The following TMEM182 variants were observed in gnomAD, a reference collection of about 807,000 sequenced individuals.
The protein encoded by TMEM182 is transmembrane protein 182.
TMEM182 carries 20 observed loss-of-function variants against 26.8 expected under a neutral mutation model. The observed-to-expected ratio is 0.75, with a 90% CI of 0.53 to 1.09. The LOEUF is 1.09. Ranked by LOEUF, TMEM182 falls within the 50% of genes least tolerant of loss-of-function variation. The pLI, the probability that TMEM182 is intolerant of heterozygous loss-of-function variation, is 0.00. For synonymous variants in TMEM182, 109 were observed against 102.2 expected, an observed-to-expected ratio of 1.07 and a Z score of -0.40; for missense variants, 277 against 275.5, an observed-to-expected ratio of 1.01 and a Z score of -0.04.
At chr2:102,764,183 T>G in intron 2 of TMEM182, 146 bp from the exon 3 acceptor site, 1 of 732,098 alleles carries the variant, frequency 1.4e-6, no homozygotes, top group Non-Finnish European at 2.3e-6. Context: ...GCCTTCCTCC[T>G]CACAACAATT....
chr2:102,796,241 G>A (rs1681863442), intron 3 of TMEM182, among the ~76,000 whole-genome samples: 1 of 152,164 alleles, frequency 6.6e-6, no homozygotes, highest in South Asian at 2.1e-4. Context: ...AGATAACTTT[G>A]CAACTTGATC....
intron 3 of TMEM182, among the ~76,000 whole-genome samples, chr2:102,788,357 A>T (rs895861591): frequency 6.6e-6 from 1 of 152,050 alleles, no homozygotes; most frequent in Non-Finnish European, 1.5e-5. Context: ...TTCCCTACTG[A>T]GGGAGACGCG....
At chr2:102,796,953 G>A (rs1401781722) in intron 3 of TMEM182, among the ~76,000 whole-genome samples, 1 of 152,022 alleles carries the variant, frequency 6.6e-6, no homozygotes, top group Non-Finnish European at 1.5e-5. Context: ...ATGTTTCACT[G>A]AGCGTTCCCC....
chr2:102,793,179 A>C (rs1041900883), intron 3 of TMEM182, among the ~76,000 whole-genome samples: 1 of 152,126 alleles, frequency 6.6e-6, no homozygotes, highest in Admixed American at 6.5e-5. Context: ...GGATGATTCC[A>C]ATTCATCTTT....
At chr2:102,808,494 G>C (rs578087202) in intron 4 of TMEM182, among the ~76,000 whole-genome samples, 5 of 152,248 alleles carry the variant, frequency 3.3e-5, no homozygotes, top group African/African-American at 1.2e-4. Flanking sequence ...GCATCGATAA[G>C]TTCCAGTGCC....
At chr2:102,765,420 AG>A (rs1434153629) in intron 3 of TMEM182, among the ~76,000 whole-genome samples, 2 of 152,164 alleles carry the variant, frequency 1.3e-5, no homozygotes, top group South Asian at 4.1e-4. Flanking sequence ...GCCCGCTCAT[AG>A]TATGGGGTAG....
Position 102,815,921 on chromosome 2 carries a change from G to A in TMEM182, c.*953G>A. The A allele has an allele frequency of 1.0e-6, 1 of 969,780 alleles. No homozygotes were observed. The highest frequency in any genetic ancestry group is 1.2e-6 in the Non-Finnish European group (1 of 815,916). The allele number at this position is 969,780 out of a possible 1,614,324, so 60.1% of individuals were successfully genotyped here. A position where few individuals can be genotyped will look rare whatever the true frequency, so the allele number is the denominator to read the frequency against. ...ATTATAATAGCCCTGCTTTATTAAA[G>A]ACCATAAAATATTAACTTTCCCCAA... On this transcript the variant is annotated 3_prime_UTR_variant, in exon 5 of 5. Transcript: ENST00000412401.
At chr2:102,833,502 C>A (rs559029426) in intron 3 of TMEM182, among the ~76,000 whole-genome samples, 2 of 152,146 alleles carry the variant, frequency 1.3e-5, no homozygotes, top group South Asian at 2.1e-4. Context: ...ACACACACAC[C>A]CTGATTTATT....
intron 3 of TMEM182, among the ~76,000 whole-genome samples, chr2:102,769,780 G>A (rs1680599743): frequency 6.6e-6 from 1 of 152,162 alleles, no homozygotes; most frequent in South Asian, 2.1e-4. Flanking sequence ...CTATAAAATT[G>A]CTTGCCAACT....
upstream of TMEM182, chr2:102,757,290 TAAAC>T (rs1179697875): frequency 2.0e-5 from 3 of 152,230 alleles, no homozygotes; most frequent in Admixed American, 6.5e-5. Context: ...CTGAAAGTCT[TAAAC>T]AAACATTTAA....
intron 3 of TMEM182, among the ~76,000 whole-genome samples, chr2:102,830,888 T>C (rs1263560091): frequency 6.6e-6 from 1 of 152,194 alleles, no homozygotes; most frequent in African/African-American, 2.4e-5. Context: ...GTAATCATCC[T>C]TCTACTCTCT....
chr2:102,839,470 T>TATAA (rs1177507950), intron 3 of TMEM182, among the ~76,000 whole-genome samples: 3 of 140,376 alleles, frequency 2.1e-5, no homozygotes, highest in Non-Finnish European at 4.6e-5. Context: ...TATATATATA[T>TATAA]AATATATACA....
At chr2:102,781,290 G>A (rs938679311) in intron 3 of TMEM182, among the ~76,000 whole-genome samples, 7 of 152,036 alleles carry the variant, frequency 4.6e-5, no homozygotes, top group African/African-American at 1.7e-4. Context: ...CTTAGCAATT[G>A]GAGGGATGGA....
rs10691405 is a variant in TMEM182 at position 102,839,447 on chromosome 2, C to CTATATATATATATATA, written c.326-3956_326-3941dup. Among the ~76,000 whole-genome samples the CTATATATATATATATA allele has an allele frequency of 4.5e-3, 600 of 134,316 alleles. 1 individual carries two copies. Among genetic ancestry groups the CTATATATATATATATA allele is most frequent in the African/African-American group, 8.8e-3 (315 of 35,678 alleles). The allele number at this position is 134,316 out of a possible 152,430, so 88.1% of individuals were successfully genotyped here. ...TTATGGAGTACATTGTGATGTTTTG[C>CTATATATATATATATA]TATATATATATATATATATATATAA... On this transcript the variant is annotated intron_variant, in intron 3 of 3. Coordinates refer to the TMEM182 transcript ENST00000486293.
In TMEM182 at chr2:102,826,563, A is replaced by G. The variant is rs1260450948; in HGVS notation, c.326-16849A>G. Among the ~76,000 whole-genome samples, 12 of 152,134 alleles carry G rather than the reference A, an allele frequency of 7.9e-5. 1 individual carries two copies. Among genetic ancestry groups the G allele is most frequent in the Admixed American group, 7.9e-4 (12 of 15,264 alleles). ...CTGACACAAAATAAGTGCTCAATAA[A>G]TGTTATCAACTATTACTATTATTAT... is the stretch of plus-strand genomic sequence containing the variant. On this transcript the variant is annotated intron_variant, in intron 3 of 3. Transcript: ENST00000486293.
At chr2:102,806,365 C>T (rs934818458) in intron 4 of TMEM182, among the ~76,000 whole-genome samples, 12 of 152,260 alleles carry the variant, frequency 7.9e-5, no homozygotes, top group African/African-American at 2.9e-4. Context: ...GTCCTCAATA[C>T]GAACGAGCTT....
chr2:102,833,311 A>G (rs1683183768), intron 3 of TMEM182, among the ~76,000 whole-genome samples: 1 of 152,230 alleles, frequency 6.6e-6, no homozygotes, highest in African/African-American at 2.4e-5. Flanking sequence ...CTTTGCCTCA[A>G]TTTAGACAAC....
chr2:102,798,785 G>C (rs1212676382), intron 4 of TMEM182, among the ~76,000 whole-genome samples: 1 of 152,070 alleles, frequency 6.6e-6, no homozygotes, highest in Non-Finnish European at 1.5e-5. Context: ...AGGTTGCATT[G>C]AGCGAGATTG....
upstream of TMEM182, chr2:102,758,605 TG>T (rs370166604): frequency 2.1e-4 from 136 of 655,582 alleles, 4 homozygotes; most frequent in East Asian, 1.8e-3. Context: ...AGTACCAAGC[TG>T]GGCCAGATCA....
Sources: gnomAD v4.1 joint callset for allele counts (sites outside exome capture counted in the v4.1 genomes callset) on GRCh38, gnomAD v4.1.1 for gene constraint, MANE v1.5 for transcripts, NCBI Gene and HGNC (gene_info 2026-07-23, HGNC 2026-07-21) for gene names.